SLC2A3: variants seen among roughly 807,000 people sequenced by gnomAD.
SLC2A3 encodes solute carrier family 2 member 3.
A neutral mutation model predicts 46.4 loss-of-function variants in SLC2A3; 21 were observed. The observed-to-expected ratio is 0.45, with a 90% CI of 0.32 to 0.65. SLC2A3 has a LOEUF of 0.65. Ranked by LOEUF, SLC2A3 falls within the 30% of genes least tolerant of loss-of-function variation. The pLI, the probability that SLC2A3 is intolerant of heterozygous loss-of-function variation, is 0.04. For missense variants in SLC2A3, 499 were observed against 623.3 expected (o/e 0.80, Z 2.12); for synonymous variants, 213 against 239.4 (o/e 0.89, Z 1.02).
At chr12:7,925,507 A>G (rs1946085834) in intron 7 of SLC2A3, 1 of 203,182 alleles carries the variant, frequency 4.9e-6, no homozygotes, top group African/African-American at 2.3e-5. Context: ...AAATTCTCAC[A>G]TATTCTGGGG....
intron 5 of SLC2A3, chr12:7,930,087 A>G: frequency 1.0e-6 from 1 of 983,906 alleles, no homozygotes; most frequent in Non-Finnish European, 1.4e-6. Context: ...CCGGGTTCAC[A>G]CGATTCTCCT....
chr12:7,932,809 G>C lies in SLC2A3; in HGVS notation c.269+178C>G, dbSNP rs934606976. On this transcript the variant is annotated intron_variant, in intron 3 of 9. Transcript: ENST00000075120. ...GCACAGCTGGGTGGGAGCTCTCCAG[G>C]GTAGTAGAGCTCCAAGCAAGGGCAG... 21 of 844,192 alleles carry C rather than the reference G, an allele frequency of 2.5e-5. No homozygotes were observed. The African/African-American group carries it at 3.6e-4, about 15-fold the overall frequency. 52.3% of individuals were successfully genotyped at this position (844,192 alleles called of 1,614,324 possible).
At position 7,923,098 on chromosome 12, in the gene SLC2A3, T is replaced by A. The variant is rs1410092379; in HGVS notation, c.1069-74A>T. The A allele has an allele frequency of 6.5e-6, 9 of 1,384,238 alleles. No homozygotes were observed. The South Asian group carries it at 7.0e-5, about 11-fold the overall frequency. The allele number at this position is 1,384,238 out of a possible 1,614,324, so 85.7% of individuals were successfully genotyped here. A position where few individuals can be genotyped will look rare whatever the true frequency, so the allele number is the denominator to read the frequency against. The stretch of plus-strand genomic sequence containing the variant: ...TAGTATCTAGGTTCCCAGAAGCAAT[T>A]AACGGCAAGCTCCTCCTGTCCCTGA... On this transcript the variant is annotated intron_variant, in intron 8 of 9. Coordinates refer to ENST00000075120, the MANE Select transcript of SLC2A3 (RefSeq NM_006931.3).
Position 7,925,138 on chromosome 12 carries a change from G to C in SLC2A3, c.967-627C>G, listed in dbSNP as rs1037485995. Among the ~76,000 whole-genome samples, 4 of 152,372 alleles carry C rather than the reference G, an allele frequency of 2.6e-5. No individual in the cohort carries two copies. In the South Asian group the frequency reaches 8.3e-4, roughly 32 times the overall value. On this transcript the variant is annotated intron_variant, in intron 7 of 9. Transcript: ENST00000075120. Reference sequence around the variant, plus strand: ...ACAGAGACAGAAGCTCCCATGCTCAGGATCCCTCCAGACCTCGCCCCGTGA... The same window carrying C: ...ACAGAGACAGAAGCTCCCATGCTCACGATCCCTCCAGACCTCGCCCCGTGA...
Position 7,933,010 on chromosome 12 carries a change from T to G in SLC2A3, c.246A>C (p.Gly82=), listed in dbSNP as rs763731139. ...ACCTGCCAAAGCGGTTGACGAAGAG[T>G]CCGACGGAAAAGGAGCCGATCATAC... ...VGGMIGSFSV[G]LFVNRFGRRN... Residue 82 remains glycine, a synonymous_variant, in exon 3 of 10, where the codon GGA becomes GGC. Coordinates refer to ENST00000075120, the MANE Select transcript of SLC2A3 (RefSeq NM_006931.3). 1 of 1,613,662 alleles carries G rather than the reference T, an allele frequency of 6.2e-7. No individual in the cohort carries two copies. Among genetic ancestry groups the G allele is most frequent in the East Asian group, 2.2e-5 (1 of 44,868 alleles).
intron 1 of SLC2A3, among the ~76,000 whole-genome samples, chr12:7,934,386 C>G (rs1055612964): frequency 6.6e-6 from 1 of 151,996 alleles, no homozygotes; most frequent in Non-Finnish European, 1.5e-5. Flanking sequence ...CTGGGTGGCT[C>G]TTTGAGTCTC....
At chr12:7,935,068 G>T (rs1946198288) in intron 1 of SLC2A3, among the ~76,000 whole-genome samples, 1 of 152,062 alleles carries the variant, frequency 6.6e-6, no homozygotes, top group African/African-American at 2.4e-5. Context: ...GGCCTCATGT[G>T]ATCCTCCTGC....
Position 7,925,956 on chromosome 12 carries a change from A to C in SLC2A3, c.862-8T>G. ...TGTTGAGTAATAGAACACCTAGGAG[A>C]AAAGAAAACATGCAGCTTTGATGCA... On this transcript the variant is annotated splice_region_variant and splice_polypyrimidine_tract_variant and intron_variant, in intron 6 of 9. Transcript: ENST00000075120. 1 of 1,604,054 alleles carries C rather than the reference A, an allele frequency of 6.2e-7. No individual in the cohort carries two copies. The highest frequency in any genetic ancestry group is 8.5e-7 in the Non-Finnish European group (1 of 1,171,038).
Position 7,921,409 on chromosome 12 carries a change from C to T in SLC2A3, c.*4G>A, listed in dbSNP as rs151144610. On this transcript the variant is annotated 3_prime_UTR_variant, in exon 10 of 10. Coordinates refer to ENST00000075120, the MANE Select transcript of SLC2A3 (RefSeq NM_006931.3). Reference sequence around the variant, plus strand: ...GCCGGGAGGGAGGTGGAAGGAGGCACGACTTAGACATTGGTGGTGGTCTCC... The same window carrying T: ...GCCGGGAGGGAGGTGGAAGGAGGCATGACTTAGACATTGGTGGTGGTCTCC... 7,375 of 1,613,018 alleles carry T rather than the reference C, an allele frequency of 4.6e-3. 15 individuals are homozygous for T. Among genetic ancestry groups the T allele is most frequent in the Non-Finnish European group, 4.9e-3 (5,814 of 1,179,060 alleles).
At chr12:7,934,717 ACCTTTCATATCTTAAACTCCTTT>A (rs1946195662) in intron 1 of SLC2A3, among the ~76,000 whole-genome samples, 1 of 151,546 alleles carries the variant, frequency 6.6e-6, no homozygotes, top group Non-Finnish European at 1.5e-5. Context: ...AATCCCTTCA[ACCTTTCATATCTTAAACTCCTTT>A]CCTTTCAGGT....
chr12:7,922,535 C>T (rs763455733), intron 9 of SLC2A3, among the ~76,000 whole-genome samples: 6 of 152,102 alleles, frequency 3.9e-5, no homozygotes, highest in Non-Finnish European at 7.4e-5. Flanking sequence ...GATCTCAGCT[C>T]GCTGCAACCT....
Position 7,921,490 on chromosome 12 carries a change from C to T in SLC2A3, c.1414G>A (p.Ala472Thr). 6.2e-7 allele frequency: 1 copy of T among 1,613,958 alleles called. No individual in the cohort carries two copies. The highest frequency in any genetic ancestry group is 2.2e-5 in the East Asian group (1 of 44,884). The stretch of plus-strand genomic sequence containing the variant: ...ACGCCGTCCTTTCCAGATCTATCTG[C>T]ACCGTGTGCCTGCCCTTCAAAGGCC... ...TRAFEGQAHG[A>T]DRSGKDGVME... Residue 472 changes from alanine to threonine, a missense_variant, in exon 10 of 10, where the codon GCA (alanine) becomes ACA (threonine). Ala to Thr is a moderately conservative substitution (Grantham distance 58). Coordinates refer to ENST00000075120, the MANE Select transcript of SLC2A3 (RefSeq NM_006931.3).
At chr12:7,930,791 G>GTTT in intron 4 of SLC2A3, 149 bp from the exon 5 acceptor site, 1 of 501,472 alleles carries the variant, frequency 2.0e-6, no homozygotes, top group Non-Finnish European at 3.0e-6. Flanking sequence ...TACTCAGCAT[G>GTTT]GTTTTTTTTT....
At chr12:7,924,136 C>T (rs1946070054) in intron 8 of SLC2A3, among the ~76,000 whole-genome samples, 1 of 152,078 alleles carries the variant, frequency 6.6e-6, no homozygotes, top group Admixed American at 6.6e-5. Flanking sequence ...ACCATGTCAT[C>T]ATCTATTAAG....
rs750764489 is a variant in SLC2A3, at chr12:7,920,312, G to T, written c.*1101C>A. 6.6e-6 allele frequency: 1 copy of T among 151,844 alleles called. No homozygotes were observed. Among genetic ancestry groups the T allele is most frequent in the Non-Finnish European group, 1.5e-5 (1 of 68,014 alleles). 9.4% of individuals were successfully genotyped at this position (151,844 alleles called of 1,614,324 possible). On this transcript the variant is annotated 3_prime_UTR_variant, in exon 10 of 10. Coordinates refer to ENST00000075120, the MANE Select transcript of SLC2A3 (RefSeq NM_006931.3). ...TTATTTTAGGTTTCTTATTTGGATG[G>T]CTCTCCCACGAGATAGGTGGCGGGA...
intron 6 of SLC2A3, among the ~76,000 whole-genome samples, chr12:7,928,775 G>A (rs1946121789): frequency 6.6e-6 from 1 of 151,724 alleles, no homozygotes; most frequent in Admixed American, 6.6e-5. Context: ...TTTGAGACTG[G>A]GATTCATCAA....
chr12:7,933,318 C>A lies in SLC2A3; in HGVS notation c.109-171G>T, dbSNP rs372744907. The A allele has an allele frequency of 4.2e-5, 35 of 824,852 alleles. No individual in the cohort carries two copies. In the East Asian group the frequency reaches 4.6e-4, roughly 11 times the overall value. The allele number at this position is 824,852 out of a possible 1,614,324, so 51.1% of individuals were successfully genotyped here. On this transcript the variant is annotated intron_variant, in intron 2 of 9. Coordinates refer to ENST00000075120, the MANE Select transcript of SLC2A3 (RefSeq NM_006931.3). ...GTTAACTCTCGCTGGAATAGTAATT[C>A]TATTTGTCCTGAAAATCCCAGTAGG...
At chr12:7,935,794 AAC>A (rs1434152609) in intron 1 of SLC2A3, among the ~76,000 whole-genome samples, 1 of 152,130 alleles carries the variant, frequency 6.6e-6, no homozygotes, top group African/African-American at 2.4e-5. Flanking sequence ...CTGAGAAGCA[AAC>A]ACAACTTCTC....
chr12:7,935,939 A>G, intron 1 of SLC2A3, 81 bp downstream of exon 1: 1 of 1,182,046 alleles, frequency 8.5e-7, no homozygotes, highest in Non-Finnish European at 1.3e-6. Context: ...AGAAAATAGA[A>G]CAAGGAGATT....
Sources: gnomAD v4.1 joint callset for allele counts (sites outside exome capture counted in the v4.1 genomes callset) on GRCh38, gnomAD v4.1.1 for gene constraint, MANE v1.5 for transcripts, NCBI Gene and HGNC (gene_info 2026-07-23, HGNC 2026-07-21) for gene names.